The following ERBB4 variants were observed in gnomAD, a reference collection of about 807,000 sequenced individuals.
The protein encoded by ERBB4 is erb-b2 receptor tyrosine kinase 4.
Under a neutral mutation model 158.0 loss-of-function variants are expected in ERBB4, and 42 were observed. That is an observed-to-expected ratio of 0.27 (90% CI 0.21 to 0.34). The LOEUF (loss-of-function observed/expected upper bound fraction) is 0.34. Among genes scored for constraint, ERBB4 ranks in the 10% least tolerant of loss-of-function variants. The probability of loss-of-function intolerance (pLI) is 1.00; values close to 1 mark genes in which losing one functional copy is unlikely to be tolerated. For missense variants in ERBB4, 1,333 were observed against 1,624.1 expected (o/e 0.82, Z 3.08); for synonymous variants, 583 against 558.7 (o/e 1.04, Z -0.61).
At chr2:211,923,699 G>A (rs965042361) in intron 3 of ERBB4, among the ~76,000 whole-genome samples, 11 of 151,378 alleles carry the variant, frequency 7.3e-5, no homozygotes, top group Non-Finnish European at 1.3e-4. Context: ...TTTAGAGGTT[G>A]CTCATAATCT....
chr2:211,415,651 A>AAAGTT (rs777248887), intron 25 of ERBB4, among the ~76,000 whole-genome samples: 1 of 152,194 alleles, frequency 6.6e-6, no homozygotes, highest in Non-Finnish European at 1.5e-5. Context: ...TATCTATATT[A>AAAGTT]AAGTTATGAA....
intron 9 of ERBB4, among the ~76,000 whole-genome samples, chr2:211,707,729 A>G (rs1210339504): frequency 6.6e-6 from 1 of 152,142 alleles, no homozygotes; most frequent in African/African-American, 2.4e-5. Context: ...CCCATTCTAA[A>G]TAAGAAAATG....
At chr2:212,095,395 T>C (rs915595627) in intron 2 of ERBB4, among the ~76,000 whole-genome samples, 2 of 152,220 alleles carry the variant, frequency 1.3e-5, no homozygotes, top group Admixed American at 1.3e-4. Flanking sequence ...GATGGGTACA[T>C]TTCAGAAAGT....
chr2:211,505,580 A>C (rs1043114141), intron 20 of ERBB4, among the ~76,000 whole-genome samples: 5 of 152,036 alleles, frequency 3.3e-5, no homozygotes, highest in Admixed American at 6.6e-5. Context: ...GCAAACAAAC[A>C]AACAAACAAA....
At chr2:211,719,089 T>A (rs7425201) in intron 7 of ERBB4, among the ~76,000 whole-genome samples, 102,703 of 152,058 alleles carry the variant, frequency 0.68, 35,221 homozygotes, top group Non-Finnish European at 0.73. Flanking sequence ...TAAACTCCCA[T>A]GACTTCTTGT....
At chr2:211,802,860 G>A (rs1195985212) in intron 3 of ERBB4, among the ~76,000 whole-genome samples, 1 of 152,176 alleles carries the variant, frequency 6.6e-6, no homozygotes, top group African/African-American at 2.4e-5. Flanking sequence ...CTCTGTGAAA[G>A]CCTAATCCTA....
At chr2:211,500,089 G>C (rs1268578277) in intron 20 of ERBB4, among the ~76,000 whole-genome samples, 2 of 152,128 alleles carry the variant, frequency 1.3e-5, no homozygotes, top group African/African-American at 4.8e-5. Context: ...TGATGGAGAT[G>C]AAATGGTCTT....
At chr2:212,229,711 T>C (rs1332878708) in intron 1 of ERBB4, among the ~76,000 whole-genome samples, 1 of 152,108 alleles carries the variant, frequency 6.6e-6, no homozygotes, top group Admixed American at 6.6e-5. Context: ...AATGAGGATC[T>C]AAGCAACAAT....
chr2:212,260,881 A>C (rs533394488), intron 1 of ERBB4, among the ~76,000 whole-genome samples: 61 of 152,276 alleles, frequency 4.0e-4, no homozygotes, highest in African/African-American at 1.4e-3. Flanking sequence ...TATTTGAAGA[A>C]AAGGGTGACA....
intron 1 of ERBB4, among the ~76,000 whole-genome samples, chr2:212,155,941 C>T (rs898656525): frequency 6.6e-6 from 1 of 152,024 alleles, no homozygotes; most frequent in African/African-American, 2.4e-5. Flanking sequence ...GATATTTCAA[C>T]AAATGTGTTT....
chr2:212,191,883 T>TTA (rs1350048678), intron 1 of ERBB4, among the ~76,000 whole-genome samples: 6 of 2,146 alleles, frequency 2.8e-3, no homozygotes, highest in Admixed American at 0.01. Flanking sequence ...AATACATATG[T>TTA]TACATGTTAT....
At chr2:211,901,111 A>G (rs1050088713) in intron 3 of ERBB4, among the ~76,000 whole-genome samples, 1 of 152,152 alleles carries the variant, frequency 6.6e-6, no homozygotes, top group Non-Finnish European at 1.5e-5. Flanking sequence ...TAAATAAATG[A>G]TGATGGTGAA....
At chr2:212,189,544 T>C (rs1449328964) in intron 1 of ERBB4, among the ~76,000 whole-genome samples, 1 of 152,192 alleles carries the variant, frequency 6.6e-6, no homozygotes, top group African/African-American at 2.4e-5. Context: ...TTCAAGGCTC[T>C]TTCTTGAGAG....
intron 1 of ERBB4, among the ~76,000 whole-genome samples, chr2:212,269,584 A>C (rs2085270834): frequency 1.3e-5 from 2 of 151,856 alleles, no homozygotes; most frequent in Admixed American, 1.3e-4. Flanking sequence ...AATTCAATGT[A>C]ATAAGGTTAA....
intron 12 of ERBB4, among the ~76,000 whole-genome samples, chr2:211,682,490 G>T (rs1047689149): frequency 1.3e-5 from 2 of 151,962 alleles, no homozygotes; most frequent in Non-Finnish European, 2.9e-5. Context: ...GTCCAGAAAT[G>T]ATATTTAAAA....
intron 17 of ERBB4, among the ~76,000 whole-genome samples, chr2:211,629,846 G>T (rs1172038319): frequency 6.6e-6 from 1 of 152,202 alleles, no homozygotes; most frequent in Non-Finnish European, 1.5e-5. Flanking sequence ...CTAGCCATAT[G>T]TAGAAATCTG....
rs539791252 is a variant in ERBB4, at chr2:211,414,053, CA to C, written c.3135+6387del. ...CACCCCATGCAGGCTTCCTTATCTGCACAAAATATCTGGTGTAAACACTTGT... is the reference window on the plus strand; with the variant it reads ...CACCCCATGCAGGCTTCCTTATCTGCCAAAATATCTGGTGTAAACACTTGT... On this transcript the variant is annotated intron_variant, in intron 25 of 27. Coordinates refer to ENST00000342788, the MANE Select transcript of ERBB4 (RefSeq NM_005235.3). 3.1e-3 allele frequency among the ~76,000 whole-genome samples: 468 copies of C among 152,238 alleles called. 1 individual carries two copies. The highest frequency in any genetic ancestry group is 0.011 in the African/African-American group (441 of 41,546).
intron 1 of ERBB4, among the ~76,000 whole-genome samples, chr2:212,296,668 T>C (rs962184725): frequency 6.6e-6 from 1 of 151,942 alleles, no homozygotes; most frequent in Non-Finnish European, 1.5e-5. Flanking sequence ...TGCATCTTGT[T>C]TGCCAACTGG....
intron 12 of ERBB4, among the ~76,000 whole-genome samples, chr2:211,689,997 TTATC>T (rs767537152): frequency 1.1e-4 from 16 of 149,628 alleles, no homozygotes; most frequent in Admixed American, 2.7e-4. Context: ...ACAGATAATT[TTATC>T]TATCTATCTA....
Sources: allele counts gnomAD v4.1 joint callset (sites outside exome capture counted in the v4.1 genomes callset), GRCh38; gene constraint gnomAD v4.1.1; transcripts MANE v1.5; gene names NCBI Gene and HGNC (gene_info 2026-07-23, HGNC 2026-07-21).